KANSL1L: variants seen among roughly 807,000 people sequenced by gnomAD.
The protein encoded by KANSL1L is KAT8 regulatory NSL complex subunit 1 like, also known as KAT8 regulatory NSL complex subunit 1-like protein.
Under a neutral mutation model 108.6 loss-of-function variants are expected in KANSL1L, and 25 were observed. That is an observed-to-expected ratio of 0.23 (90% confidence interval 0.17 to 0.32). The LOEUF (loss-of-function observed/expected upper bound fraction) is 0.32, where lower values mean the gene tolerates loss of function less well. Among genes scored for constraint, KANSL1L ranks in the 10% least tolerant of loss-of-function variants. KANSL1L has a pLI of 1.00. For missense variants in KANSL1L, 1,137 were observed against 1,125.7 expected, an observed-to-expected ratio of 1.01 and a Z score of -0.14; for synonymous variants, 405 against 395.1, an observed-to-expected ratio of 1.03 and a Z score of -0.30.
At chr2:210,108,225 C>T (rs2094869765) in intron 3 of KANSL1L, among the ~76,000 whole-genome samples, 1 of 152,006 alleles carries the variant, frequency 6.6e-6, no homozygotes, top group Admixed American at 6.6e-5. Flanking sequence ...ATAACAAAAA[C>T]ATTGTATTCT....
rs762800130 is a variant in KANSL1L at position 210,044,997 on chromosome 2, G to C, written c.1756-893C>G. On this transcript the variant is annotated intron_variant, in intron 6 of 14. Transcript: ENST00000281772. The surrounding 1 kb of genome is among the most constrained non-coding windows in gnomAD (Gnocchi z 4.2). ...TTGGCCAGGCTGGTCTCGAACTCCTGACCTCAAGTGATTCAGCCTGCCTCC... is the reference window on the plus strand; with the variant it reads ...TTGGCCAGGCTGGTCTCGAACTCCTCACCTCAAGTGATTCAGCCTGCCTCC... Among the ~76,000 whole-genome samples the C allele has an allele frequency of 1.3e-5, 2 of 152,040 alleles. No homozygotes were observed. Among genetic ancestry groups the C allele is most frequent in the Non-Finnish European group, 2.9e-5 (2 of 68,000 alleles).
intron 8 of KANSL1L, chr2:210,035,090 C>T (rs1422019389): frequency 6.6e-6 from 1 of 152,144 alleles, no homozygotes; most frequent in Non-Finnish European, 1.5e-5. Context: ...AATCTATAGA[C>T]CTTATTCAGA....
chr2:210,062,427 G>C (rs993618037), intron 6 of KANSL1L, among the ~76,000 whole-genome samples: 16 of 152,208 alleles, frequency 1.1e-4, no homozygotes, highest in African/African-American at 2.9e-4. Flanking sequence ...GTAGAGCGCT[G>C]CTTAGAAGAT....
rs1305872263 is a variant in KANSL1L at position 210,024,109 on chromosome 2, G to A, written c.2657C>T (p.Pro886Leu). 8 of 1,609,014 alleles carry A rather than the reference G, an allele frequency of 5.0e-6. No homozygotes were observed. Among genetic ancestry groups the A allele is most frequent in the Admixed American group, 1.7e-5 (1 of 59,434 alleles). The change falls in exon 14 of 15, where the codon CCT becomes CTT. Residue 886 changes from proline (P) to leucine (L), a missense_variant. By Grantham distance (98) the Pro-to-Leu change is moderately conservative. Around this residue, in one of 3 missense-constraint regions of KANSL1L, gnomAD observed 575 missense variants for 567.1 expected, o/e 1.01. Transcript: ENST00000281772. ...SSSQQCAAAS[P>L]PGLPSENQDL... is the part of the protein sequence containing the mutation. ...CTGGTTCTCTGAAGGAAGCCCAGGA[G>A]GACTTGCAGCAGCACATTGCTGACT... is the stretch of plus-strand genomic sequence containing the variant.
chr2:210,121,659 AAAG>A (rs1021821627), intron 3 of KANSL1L, among the ~76,000 whole-genome samples: 7 of 152,214 alleles, frequency 4.6e-5, no homozygotes, highest in Non-Finnish European at 7.3e-5. Context: ...AAAAGTTTAA[AAAG>A]AAGAAGAAAT....
At chr2:210,102,072 G>A (rs1012713321) in intron 4 of KANSL1L, among the ~76,000 whole-genome samples, 1 of 152,082 alleles carries the variant, frequency 6.6e-6, no homozygotes, top group Non-Finnish European at 1.5e-5. Context: ...TCTTGTTTTT[G>A]TCAGGTTTGG....
chr2:210,166,224 A>G (rs1327744141), intron 1 of KANSL1L, among the ~76,000 whole-genome samples: 2 of 152,108 alleles, frequency 1.3e-5, no homozygotes, highest in Non-Finnish European at 2.9e-5. Context: ...TTTAGCATTA[A>G]TTAAATGCAA....
intron 6 of KANSL1L, among the ~76,000 whole-genome samples, chr2:210,046,023 G>T (rs550486530): frequency 2.5e-4 from 38 of 152,278 alleles, no homozygotes; most frequent in African/African-American, 8.4e-4. Context: ...AGTGCTGGCA[G>T]ATTTAGTGTC....
In KANSL1L at chr2:210,031,456, C is replaced by T; in HGVS notation, c.2120G>A (p.Gly707Glu). The change falls in exon 9 of 15, where the codon GGA (glycine) becomes GAA (glutamate). Residue 707 changes from glycine to glutamate, a missense_variant. Around this residue, in one of 3 missense-constraint regions of KANSL1L, gnomAD observed 575 missense variants for 567.1 expected, o/e 1.01. Transcript: ENST00000281772. ...TTCACTCAAATGTCTTTTCTTTCTT[C>T]CCTGTAACAGTTGTGCAGAAGATTC... ...RSESSAQLLQ[G>E]RKKRHLSETA... is the part of the protein sequence containing the mutation. 6.2e-7 allele frequency: 1 copy of T among 1,601,564 alleles called. No homozygotes were observed. The highest frequency in any genetic ancestry group is 1.1e-5 in the South Asian group (1 of 90,382).
intron 2 of KANSL1L, chr2:210,151,766 A>G (rs558475362): frequency 6.6e-6 from 1 of 152,334 alleles, no homozygotes; most frequent in South Asian, 2.1e-4. Flanking sequence ...CAGAAAAATA[A>G]TCTGCGCTTA....
intron 5 of KANSL1L, among the ~76,000 whole-genome samples, chr2:210,077,822 A>G (rs978835020): frequency 1.3e-5 from 2 of 152,240 alleles, no homozygotes; most frequent in African/African-American, 2.4e-5. Flanking sequence ...TAGCCCAAAG[A>G]AGATGAGCCC....
At chr2:210,090,887 CTAT>C (rs954271366) in intron 5 of KANSL1L, among the ~76,000 whole-genome samples, 4 of 152,124 alleles carry the variant, frequency 2.6e-5, no homozygotes, top group African/African-American at 2.4e-5. Flanking sequence ...CTGCAACTTC[CTAT>C]TATTATATTG....
chr2:210,130,766 C>T (rs1176597046), intron 2 of KANSL1L, among the ~76,000 whole-genome samples: 3 of 151,850 alleles, frequency 2.0e-5, no homozygotes, highest in Non-Finnish European at 2.9e-5. Flanking sequence ...AGCATGCTAG[C>T]GCGTAGCATT....
intron 10 of KANSL1L, among the ~76,000 whole-genome samples, chr2:210,029,504 AATTCTC>A (rs1194091080): frequency 2.0e-5 from 3 of 152,108 alleles, no homozygotes; most frequent in Admixed American, 2.0e-4. Flanking sequence ...GAAAGTCCTG[AATTCTC>A]ATTAGTAAGA....
intron 2 of KANSL1L, among the ~76,000 whole-genome samples, chr2:210,130,994 C>T (rs779418644): frequency 3.3e-5 from 5 of 151,982 alleles, no homozygotes; most frequent in Admixed American, 6.6e-5. Context: ...TTTCACGTAC[C>T]GCCCTACACT....
rs1270568741 is a variant in KANSL1L, at chr2:210,079,700, G to GTGTA, written c.1551-3945_1551-3944insTACA. The GTGTA allele has an allele frequency of 1.8e-4, 14 of 75,772 alleles. 1 individual carries two copies. The highest frequency in any genetic ancestry group is 4.7e-4 in the African/African-American group (7 of 15,048). The allele number at this position is 75,772 out of a possible 1,614,324, so 4.7% of individuals were successfully genotyped here. Reference sequence around the variant, plus strand: ...TATATATATATATATATGTATGTGTGTATATATATATATATATATATATAT... The same window carrying GTGTA: ...TATATATATATATATATGTATGTGTGTGTATATATATATATATATATATATATAT... On this transcript the variant is annotated intron_variant, in intron 5 of 14. Coordinates refer to ENST00000281772, the MANE Select transcript of KANSL1L (RefSeq NM_152519.4).
At chr2:210,054,869 G>A (rs187139303) in intron 6 of KANSL1L, among the ~76,000 whole-genome samples, 3 of 152,262 alleles carry the variant, frequency 2.0e-5, no homozygotes, top group African/African-American at 7.2e-5. Flanking sequence ...ACTATTTGTA[G>A]ACAACATGTT....
intron 13 of KANSL1L, 139 bp from the exon 14 acceptor site, chr2:210,024,340 C>T (rs2093905018): frequency 9.6e-6 from 5 of 519,790 alleles, no homozygotes; most frequent in Non-Finnish European, 1.6e-5. Context: ...AAAAATTCCC[C>T]TGGTGCTATT....
At chr2:210,047,507 A>G (rs1455664884) in intron 6 of KANSL1L, among the ~76,000 whole-genome samples, 4 of 152,224 alleles carry the variant, frequency 2.6e-5, no homozygotes, top group East Asian at 1.9e-4. Flanking sequence ...CTAGTTTCCA[A>G]TAACATGTTC....
Sources: allele counts gnomAD v4.1 joint callset (sites outside exome capture counted in the v4.1 genomes callset), GRCh38; gene constraint gnomAD v4.1.1; regional missense constraint gnomAD v4.1.1; non-coding constraint Gnocchi (gnomAD v3.1); transcripts MANE v1.5; gene names NCBI Gene and HGNC (gene_info 2026-07-23, HGNC 2026-07-21).